TTLL7: variants seen among roughly 807,000 people sequenced by gnomAD.
TTLL7 encodes tubulin tyrosine ligase like 7.
A neutral mutation model predicts 120.2 loss-of-function variants in TTLL7; 53 were observed. That is an observed-to-expected ratio of 0.44 (90% confidence interval 0.35 to 0.55). TTLL7 has a LOEUF of 0.55. Among genes scored for constraint, TTLL7 ranks in the 20% least tolerant of loss-of-function variants. The pLI is 0.00. For missense variants in TTLL7, 803 were observed against 1,054.7 expected (o/e 0.76, Z 3.31); for synonymous variants, 353 against 351.7 (o/e 1.00, Z -0.04).
In TTLL7 at chr1:83,865,917, T is replaced by C. The variant is rs1488185257; in HGVS notation, c.*4045A>G. 1 of 151,968 alleles carries C rather than the reference T, an allele frequency of 6.6e-6. No homozygotes were observed. The highest frequency in any genetic ancestry group is 1.5e-5 in the Non-Finnish European group (1 of 67,862). The allele number at this position is 151,968 out of a possible 1,614,324, so 9.4% of individuals were successfully genotyped here. On this transcript the variant is annotated 3_prime_UTR_variant, in exon 21 of 21. Coordinates refer to ENST00000260505, the MANE Select transcript of TTLL7 (RefSeq NM_024686.6). ...AGTGTAAGTAACAAAATTGTCATCA[T>C]GAATATATTTCTAAATTTTTATTTA... is the stretch of plus-strand genomic sequence containing the variant.
intron 1 of TTLL7, among the ~76,000 whole-genome samples, chr1:83,960,431 T>G (rs1314454443): frequency 1.3e-5 from 2 of 152,098 alleles, no homozygotes; most frequent in Admixed American, 1.3e-4. Flanking sequence ...TATTGCAGTA[T>G]TAGCAGAATA....
intron 18 of TTLL7, among the ~76,000 whole-genome samples, chr1:83,892,765 A>AAC (rs1370642488): frequency 4.0e-5 from 6 of 149,404 alleles, no homozygotes; most frequent in Non-Finnish European, 6.0e-5. Context: ...CATATATATG[A>AAC]GCGCATATGT....
At chr1:83,972,370 T>C (rs1220238090) in intron 1 of TTLL7, among the ~76,000 whole-genome samples, 1 of 152,112 alleles carries the variant, frequency 6.6e-6, no homozygotes. Context: ...ATATGTAGCC[T>C]TATCAGATTG....
intron 20 of TTLL7, among the ~76,000 whole-genome samples, chr1:83,874,626 A>G (rs1653750482): frequency 6.6e-6 from 1 of 152,068 alleles, no homozygotes; most frequent in African/African-American, 2.4e-5. Flanking sequence ...CCACATCCAC[A>G]TCCTTGCCAA....
chr1:83,911,830 TG>T (rs201798785), intron 14 of TTLL7, among the ~76,000 whole-genome samples: 1 of 151,522 alleles, frequency 6.6e-6, no homozygotes, highest in Non-Finnish European at 1.5e-5. Flanking sequence ...TGTATGTGTG[TG>T]GTGTGTGTGT....
chr1:83,933,481 C>T, intron 9 of TTLL7, 127 bp downstream of exon 9: 1 of 956,168 alleles, frequency 1.0e-6, no homozygotes, highest in African/African-American at 1.6e-5. Context: ...CTTCTTCCCA[C>T]TTATTCCATT....
intron 1 of TTLL7, among the ~76,000 whole-genome samples, chr1:83,975,815 T>A (rs1651416182): frequency 6.6e-6 from 1 of 152,128 alleles, no homozygotes; most frequent in African/African-American, 2.4e-5. Flanking sequence ...AACGTAGTAT[T>A]CTAATGTACT....
intron 20 of TTLL7, among the ~76,000 whole-genome samples, chr1:83,871,754 G>A (rs185969492): frequency 1.3e-4 from 19 of 151,988 alleles, no homozygotes; most frequent in East Asian, 9.7e-4. Flanking sequence ...AAAATTAGCC[G>A]GTTGTGGTGG....
At chr1:83,937,736 C>A in intron 8 of TTLL7, 116 bp downstream of exon 8, 1 of 1,193,894 alleles carries the variant, frequency 8.4e-7, no homozygotes, top group Non-Finnish European at 1.2e-6. Flanking sequence ...CTCTCTGGTC[C>A]TCTCAATTAT....
At chr1:83,995,821 CTAT>C (rs1418580804) in intron 1 of TTLL7, among the ~76,000 whole-genome samples, 7 of 151,992 alleles carry the variant, frequency 4.6e-5, no homozygotes, top group African/African-American at 1.7e-4. Flanking sequence ...CATCACAGTG[CTAT>C]TATTATCATC....
At chr1:83,870,771 A>G (rs1362909625) in intron 20 of TTLL7, among the ~76,000 whole-genome samples, 2 of 151,578 alleles carry the variant, frequency 1.3e-5, no homozygotes, top group Non-Finnish European at 2.9e-5. Flanking sequence ...TTAGCCAGGC[A>G]TGGTGGCAGA....
chr1:83,976,105 T>C (rs1464632551), intron 1 of TTLL7, among the ~76,000 whole-genome samples: 4 of 151,324 alleles, frequency 2.6e-5, no homozygotes, highest in East Asian at 3.9e-4. Context: ...AAGAAGTAAA[T>C]TGTATTTCTT....
intron 1 of TTLL7, chr1:83,981,213 G>A (rs149355628): frequency 1.3e-5 from 2 of 152,122 alleles, no homozygotes; most frequent in Non-Finnish European, 2.9e-5. Flanking sequence ...GATTGGCACA[G>A]TAAATTTTAA....
intron 19 of TTLL7, among the ~76,000 whole-genome samples, chr1:83,886,995 T>C (rs1234691051): frequency 2.6e-5 from 4 of 152,006 alleles, no homozygotes; most frequent in Admixed American, 2.0e-4. Flanking sequence ...CCCAGGAGGC[T>C]GCATGTGATA....
At chr1:83,873,387 T>C (rs1557509086) in intron 20 of TTLL7, among the ~76,000 whole-genome samples, 1 of 152,172 alleles carries the variant, frequency 6.6e-6, no homozygotes, top group Non-Finnish European at 1.5e-5. Flanking sequence ...TTTTGAAATG[T>C]TCCTTGCAAT....
chr1:83,915,763 C>G (rs536639779), intron 14 of TTLL7, among the ~76,000 whole-genome samples: 12 of 151,200 alleles, frequency 7.9e-5, no homozygotes, highest in African/African-American at 2.7e-4. Context: ...GGCTAATATC[C>G]AGAATCTACA....
chr1:83,970,253 C>T (rs1557766298), intron 1 of TTLL7, among the ~76,000 whole-genome samples: 1 of 151,962 alleles, frequency 6.6e-6, no homozygotes, highest in Non-Finnish European at 1.5e-5. Flanking sequence ...GTTAACACTT[C>T]CAGAGTAAAT....
chr1:83,910,591 C>A (rs973404004), intron 15 of TTLL7, among the ~76,000 whole-genome samples: 1 of 151,932 alleles, frequency 6.6e-6, no homozygotes, highest in African/African-American at 2.4e-5. Flanking sequence ...GAAGCAGAAA[C>A]GGAAGGAGAT....
intron 1 of TTLL7, chr1:83,981,428 A>T (rs1325537896): frequency 6.6e-6 from 1 of 152,312 alleles, no homozygotes; most frequent in African/African-American, 2.4e-5. Context: ...AAAATTATAA[A>T]AAGCTCAATC....
Sources: allele counts gnomAD v4.1 joint callset (sites outside exome capture counted in the v4.1 genomes callset), GRCh38; gene constraint gnomAD v4.1.1; transcripts MANE v1.5; gene names NCBI Gene and HGNC (gene_info 2026-07-23, HGNC 2026-07-21).